Variants in SIPA1L3 observed in about 807,000 individuals in gnomAD.
SIPA1L3 encodes signal-induced proliferation-associated 1-like protein 3.
SIPA1L3 carries 59 observed loss-of-function variants against 150.1 expected under a neutral mutation model. That is an observed-to-expected ratio of 0.39 (90% CI 0.32 to 0.49). The LOEUF is 0.49. Ranked by LOEUF, SIPA1L3 falls within the 20% of genes least tolerant of loss-of-function variation. The probability of loss-of-function intolerance (pLI) is 0.86; values close to 1 mark genes in which losing one functional copy is unlikely to be tolerated. For missense variants in SIPA1L3, 2,211 were observed against 2,489.5 expected, an observed-to-expected ratio of 0.89 and a Z score of 2.38; for synonymous variants, 1,070 against 1,077.6, an observed-to-expected ratio of 0.99 and a Z score of 0.14.
Position 38,081,820 on chromosome 19 carries a change from C to T in SIPA1L3, c.255C>T (p.Asp85=). The change falls in exon 3 of 22, where the codon GAC becomes GAT. Residue 85 remains aspartate, a synonymous_variant. Transcript: ENST00000222345. ...TGGGCGTGCGCGCAAGGGTGGCCGA[C>T]TGGCCGCCCAAGCGGGAGGCCCTGA... ...PKMGVRARVA[D]WPPKREALRE... 6.2e-7 allele frequency: 1 copy of T among 1,613,696 alleles called. No individual in the cohort carries two copies. Among genetic ancestry groups the T allele is most frequent in the Non-Finnish European group, 8.5e-7 (1 of 1,179,840 alleles).
intron 1 of SIPA1L3, among the ~76,000 whole-genome samples, chr19:37,952,155 G>A (rs966326454): frequency 3.9e-5 from 6 of 152,216 alleles, no homozygotes; most frequent in Middle Eastern, 6.8e-3. Context: ...TAATGCTGCT[G>A]GGGGCCTGGG....
rs199687029 is a variant in SIPA1L3, at chr19:37,952,438, C to T, written c.-379+45080C>T. 3.3e-5 allele frequency among the ~76,000 whole-genome samples: 5 copies of T among 152,046 alleles called. No individual in the cohort carries two copies. In the East Asian group the frequency reaches 5.8e-4, roughly 18 times the overall value. On this transcript the variant is annotated intron_variant, in intron 1 of 21. Transcript: ENST00000222345. The stretch of plus-strand genomic sequence containing the variant: ...CTGTAATCCTAGCACTTTGGGATGC[C>T]GAGGTGGGTAGATCACTTGAGGCCA...
chr19:38,066,792 C>CTCCA (rs59980641), intron 2 of SIPA1L3, among the ~76,000 whole-genome samples: 29,224 of 152,018 alleles, frequency 0.19, 3,055 homozygotes, highest in African/African-American at 0.28. Flanking sequence ...CGCCACTGCA[C>CTCCA]TCCAGCCTGG....
At chr19:37,950,664 G>T (rs920610755) in intron 1 of SIPA1L3, among the ~76,000 whole-genome samples, 43 of 152,178 alleles carry the variant, frequency 2.8e-4, no homozygotes, top group Non-Finnish European at 5.0e-4. Context: ...GCTGCGCGGG[G>T]CCCTTCTGTG....
intron 12 of SIPA1L3, among the ~76,000 whole-genome samples, chr19:38,147,048 T>C (rs891845352): frequency 6.6e-6 from 1 of 151,960 alleles, no homozygotes; most frequent in African/African-American, 2.4e-5. Flanking sequence ...GTTTTTTATT[T>C]TATTTTTTAT....
Position 38,007,279 on chromosome 19 carries a change from C to T in SIPA1L3, c.-378-21810C>T, listed in dbSNP as rs1967967765. Among the ~76,000 whole-genome samples the T allele has an allele frequency of 3.3e-5, 5 of 151,982 alleles. No homozygotes were observed. The South Asian group carries it at 6.2e-4, about 19-fold the overall frequency. On this transcript the variant is annotated intron_variant, in intron 1 of 21. Transcript: ENST00000222345. Reference sequence around the variant, plus strand: ...ACCAGCCTGGCCAACATGGTGAAACCCTGTCTCTACTAAAAATACAAAAAT... The same window carrying T: ...ACCAGCCTGGCCAACATGGTGAAACTCTGTCTCTACTAAAAATACAAAAAT...
intron 10 of SIPA1L3, among the ~76,000 whole-genome samples, chr19:38,133,190 G>GT (rs1276468703): frequency 6.6e-6 from 1 of 152,184 alleles, no homozygotes; most frequent in African/African-American, 2.4e-5. Flanking sequence ...CCCCCTGCAA[G>GT]TGACACTAGG....
intron 1 of SIPA1L3, among the ~76,000 whole-genome samples, chr19:37,984,935 C>T (rs12611205): frequency 6.6e-6 from 1 of 152,206 alleles, no homozygotes; most frequent in Non-Finnish European, 1.5e-5. Context: ...TCTGGGGCCT[C>T]TTGTCTGTGC....
At chr19:37,997,317 C>T (rs1967657993) in intron 1 of SIPA1L3, among the ~76,000 whole-genome samples, 1 of 151,834 alleles carries the variant, frequency 6.6e-6, no homozygotes, top group Non-Finnish European at 1.5e-5. Flanking sequence ...TCTATAATCC[C>T]AGCACTTTGG....
intron 1 of SIPA1L3, among the ~76,000 whole-genome samples, chr19:37,995,283 C>T (rs1967609825): frequency 6.6e-6 from 1 of 152,148 alleles, no homozygotes; most frequent in East Asian, 1.9e-4. Flanking sequence ...GCTAGACAAC[C>T]AAGTGTCTGC....
intron 13 of SIPA1L3, 58 bp from the exon 14 acceptor site, chr19:38,162,195 C>G: frequency 7.2e-7 from 1 of 1,382,376 alleles, no homozygotes; most frequent in Non-Finnish European, 1.0e-6. Context: ...GGTCCAGATT[C>G]TTCAGGCCCT....
At chr19:38,001,675 G>A (rs544300446) in intron 1 of SIPA1L3, among the ~76,000 whole-genome samples, 87 of 152,278 alleles carry the variant, frequency 5.7e-4, no homozygotes, top group African/African-American at 1.9e-3. Flanking sequence ...CAATCCTGCC[G>A]CCTTGGCCTC....
In SIPA1L3 at chr19:38,119,765, T is replaced by C. The variant is rs200724357; in HGVS notation, c.2751T>C (p.Ile917=). The C allele has an allele frequency of 1.6e-4, 251 of 1,614,018 alleles. No homozygotes were observed. The highest frequency in any genetic ancestry group is 1.2e-4 in the Non-Finnish European group (138 of 1,180,026). The change falls in exon 9 of 22, where the codon ATT becomes ATC. Residue 917 remains isoleucine (I), a synonymous_variant. Coordinates refer to ENST00000222345, the MANE Select transcript of SIPA1L3 (RefSeq NM_015073.3). ...VVFNCYCGDV[I]GWTPDSSTLK... ...TCAACTGCTACTGCGGGGATGTCAT[T>C]GGCTGGACTCCAGACTCCTCCACAC...
rs1345051273 is a variant in SIPA1L3, at chr19:38,082,085, A to ATCACCC, written c.524_529dup (p.Thr175_Leu176dup). On this transcript the variant is annotated inframe_insertion, in exon 3 of 22. Transcript: ENST00000222345. ...CCTTCGGCACCGCAGCAGCAGCGAG[A>ATCACCC]TCACCCTCAGCGAGTGTGACGCGGA... The ATCACCC allele has an allele frequency of 1.9e-6, 3 of 1,611,502 alleles. No homozygotes were observed. The African/African-American group carries it at 4.0e-5, about 22-fold the overall frequency.
intron 9 of SIPA1L3, among the ~76,000 whole-genome samples, chr19:38,129,624 CAA>C (rs35422625): frequency 2.0e-4 from 19 of 96,238 alleles, no homozygotes; most frequent in Middle Eastern, 7.6e-3. Context: ...GACTCTGTCT[CAA>C]AAAAAAAAAA....
chr19:38,070,220 CTAT>C (rs1969686783), intron 2 of SIPA1L3, among the ~76,000 whole-genome samples: 6 of 137,182 alleles, frequency 4.4e-5, no homozygotes, highest in Non-Finnish European at 9.5e-5. Flanking sequence ...ATCTATCTAT[CTAT>C]TTTTGAGACA....
intron 18 of SIPA1L3, among the ~76,000 whole-genome samples, chr19:38,196,859 T>C (rs748731479): frequency 1.3e-5 from 2 of 152,206 alleles, no homozygotes; most frequent in Non-Finnish European, 2.9e-5. Context: ...ATCACAGAGC[T>C]GAACGGCCTG....
At chr19:38,188,693 C>T (rs370614009) in intron 16 of SIPA1L3, among the ~76,000 whole-genome samples, 14 of 151,874 alleles carry the variant, frequency 9.2e-5, no homozygotes, top group African/African-American at 2.2e-4. Context: ...GAGGCCGAGG[C>T]GGGCGGATCA....
chr19:38,059,424 C>T (rs951582553), intron 2 of SIPA1L3, among the ~76,000 whole-genome samples: 4 of 151,704 alleles, frequency 2.6e-5, no homozygotes, highest in African/African-American at 9.7e-5. Flanking sequence ...CTGCCTCAAC[C>T]TCCTGAGTAG....
Sources: allele counts gnomAD v4.1 joint callset (sites outside exome capture counted in the v4.1 genomes callset), GRCh38; gene constraint gnomAD v4.1.1; transcripts MANE v1.5; gene names NCBI Gene and HGNC (gene_info 2026-07-23, HGNC 2026-07-21).